Variants in TMEM64 observed in about 807,000 individuals in gnomAD.
TMEM64 encodes the protein transmembrane protein 64.
In TMEM64, 19 loss-of-function variants were observed where a neutral mutation model predicts 24.5. That is an observed-to-expected ratio of 0.78 (90% CI 0.54 to 1.14). The LOEUF (loss-of-function observed/expected upper bound fraction) is 1.14, where lower values mean the gene tolerates loss of function less well. Among genes scored for constraint, TMEM64 ranks in the 50% most tolerant of loss-of-function variants. The probability of loss-of-function intolerance (pLI) is 0.00; values close to 1 mark genes in which losing one functional copy is unlikely to be tolerated. For missense variants in TMEM64, 487 were observed against 493.0 expected, an observed-to-expected ratio of 0.99 and a Z score of 0.12; for synonymous variants, 262 against 224.7, an observed-to-expected ratio of 1.17 and a Z score of -1.49.
intron 1 of TMEM64, among the ~76,000 whole-genome samples, chr8:90,635,277 C>A (rs2130503343): frequency 6.6e-6 from 1 of 152,152 alleles, no homozygotes; most frequent in Middle Eastern, 3.4e-3. Context: ...CACTGAAAGC[C>A]TAGTATGAGT....
In TMEM64 at chr8:90,623,259, A is replaced by G. The variant is rs532782318; in HGVS notation, c.*2412T>C. On this transcript the variant is annotated 3_prime_UTR_variant, in exon 3 of 3. Transcript: ENST00000458549. ...AAATATACATGAGTGGAGACATTTTATAAGTACATATGACTGACAGCAATA... is the reference window on the plus strand; with the variant it reads ...AAATATACATGAGTGGAGACATTTTGTAAGTACATATGACTGACAGCAATA... The G allele has an allele frequency of 4.5e-4, 69 of 152,322 alleles. 2 individuals carry two copies. The highest frequency in any genetic ancestry group is 4.4e-3 in the Admixed American group (68 of 15,290). The allele number at this position is 152,322 out of a possible 1,614,324, so 9.4% of individuals were successfully genotyped here. A position where few individuals can be genotyped will look rare whatever the true frequency, so the allele number is the denominator to read the frequency against.
rs1286082061 is a variant in TMEM64, at chr8:90,622,766, T to C, written c.*2905A>G. ...TGTTTTATAGTCATATACTTGACCC[T>C]ATCAGGGAAAAGCCACCTAAAAGCA... On this transcript the variant is annotated 3_prime_UTR_variant, in exon 3 of 3. Coordinates refer to ENST00000458549, the MANE Select transcript of TMEM64 (RefSeq NM_001008495.4). 6.6e-6 allele frequency: 1 copy of C among 152,186 alleles called. No individual in the cohort carries two copies. The highest frequency in any genetic ancestry group is 6.5e-5 in the Admixed American group (1 of 15,282). The allele number at this position is 152,186 out of a possible 1,614,324, so 9.4% of individuals were successfully genotyped here. A position where few individuals can be genotyped will look rare whatever the true frequency, so the allele number is the denominator to read the frequency against.
rs117973485 is a variant in TMEM64, at chr8:90,625,058, T to C, written c.*613A>G. ...TTAAGAGCACTTCAGTCCCACAAGGTAGGATTTAAGCTTTGTGAATAGGTG... is the reference window on the plus strand; with the variant it reads ...TTAAGAGCACTTCAGTCCCACAAGGCAGGATTTAAGCTTTGTGAATAGGTG... On this transcript the variant is annotated 3_prime_UTR_variant, in exon 3 of 3. Coordinates refer to ENST00000458549, the MANE Select transcript of TMEM64 (RefSeq NM_001008495.4). The C allele has an allele frequency of 6.6e-6, 1 of 152,640 alleles. No homozygotes were observed. Among genetic ancestry groups the C allele is most frequent in the East Asian group, 1.9e-4 (1 of 5,180 alleles). The allele number at this position is 152,640 out of a possible 1,614,324, so 9.5% of individuals were successfully genotyped here.
At position 90,637,504 on chromosome 8, in the gene TMEM64, T is replaced by C. The variant is rs1809542369; in HGVS notation, c.796-5797A>G. Reference sequence around the variant, plus strand: ...TTTTGGCAAATTATACCTTCCTGTATAGACTTGTTGCTTGGTATTTGGGAT... The same window carrying C: ...TTTTGGCAAATTATACCTTCCTGTACAGACTTGTTGCTTGGTATTTGGGAT... On this transcript the variant is annotated intron_variant, in intron 1 of 2. Coordinates refer to ENST00000458549, the MANE Select transcript of TMEM64 (RefSeq NM_001008495.4). Among the ~76,000 whole-genome samples the C allele has an allele frequency of 2.0e-5, 3 of 152,226 alleles. 1 individual carries two copies. In the South Asian group the frequency reaches 6.2e-4, roughly 32 times the overall value.
chr8:90,640,942 G>A (rs1162319775), intron 1 of TMEM64, among the ~76,000 whole-genome samples: 8 of 152,190 alleles, frequency 5.3e-5, no homozygotes. Flanking sequence ...CCTAAGAAGT[G>A]AGCCAGGGTG....
In TMEM64 at chr8:90,645,609, C is replaced by T. The variant is rs970010968; in HGVS notation, c.297G>A (p.Val99=). The change falls in exon 1 of 3, where the codon GTG becomes GTA. Residue 99 remains valine, a synonymous_variant. Transcript: ENST00000458549. The surrounding 1 kb of genome is among the most constrained non-coding windows in gnomAD (Gnocchi z 4.2). ...TTCTCACCTCAGCCACGCCGACCAC[C>T]ACGCCGCCGCCGCCACTCCCGGGGC... ...AGGPGSGGGG[V]VVGVAEVRNW... is the part of the protein sequence containing the mutation. 6.5e-7 allele frequency: 1 copy of T among 1,535,718 alleles called. No homozygotes were observed. Among genetic ancestry groups the T allele is most frequent in the African/African-American group, 1.4e-5 (1 of 72,998 alleles).
At chr8:90,638,543 C>A (rs78746930) in intron 1 of TMEM64, among the ~76,000 whole-genome samples, 1,839 of 152,270 alleles carry the variant, frequency 0.012, 32 homozygotes, top group African/African-American at 0.041. Flanking sequence ...TTTGTTTGCC[C>A]CTCAGTCCTT....
intron 1 of TMEM64, among the ~76,000 whole-genome samples, chr8:90,641,086 C>T (rs550394621): frequency 6.6e-6 from 1 of 152,206 alleles, no homozygotes; most frequent in South Asian, 2.1e-4. Flanking sequence ...AAATTAAGGG[C>T]CTCTTCCTAC....
chr8:90,632,883 G>GTGGA (rs1809461426), intron 1 of TMEM64, among the ~76,000 whole-genome samples: 1 of 152,210 alleles, frequency 6.6e-6, no homozygotes, highest in Non-Finnish European at 1.5e-5. Flanking sequence ...CTACCATTGT[G>GTGGA]TGGATGTAGC....
intron 1 of TMEM64, among the ~76,000 whole-genome samples, chr8:90,636,561 A>G (rs1809521842): frequency 6.6e-6 from 1 of 152,188 alleles, no homozygotes; most frequent in Non-Finnish European, 1.5e-5. Context: ...GTCTATTTTA[A>G]TATGGCATTT....
intron 1 of TMEM64, among the ~76,000 whole-genome samples, chr8:90,640,256 A>T (rs1210558859): frequency 6.6e-6 from 1 of 152,246 alleles, no homozygotes; most frequent in East Asian, 1.9e-4. Flanking sequence ...ATACACTGAT[A>T]CAGTGACAAG....
At position 90,626,468 on chromosome 8, in the gene TMEM64, G is replaced by A. The variant is rs77724638; in HGVS notation, c.952-606C>T. 6.1e-3 allele frequency among the ~76,000 whole-genome samples: 922 copies of A among 152,244 alleles called. 7 individuals carry two copies. Among genetic ancestry groups the A allele is most frequent in the East Asian group, 0.019 (100 of 5,182 alleles). Reference sequence around the variant, plus strand: ...GAAAACATGATGATTATTTAAAAATGTTAGTCAAAGGGATACTAGAAAAAT... The same window carrying A: ...GAAAACATGATGATTATTTAAAAATATTAGTCAAAGGGATACTAGAAAAAT... On this transcript the variant is annotated intron_variant, in intron 2 of 2. Transcript: ENST00000458549.
At chr8:90,640,152 A>G (rs1231899067) in intron 1 of TMEM64, among the ~76,000 whole-genome samples, 1 of 152,214 alleles carries the variant, frequency 6.6e-6, no homozygotes, top group Non-Finnish European at 1.5e-5. Context: ...CAACTCTTTC[A>G]AAACACAGAC....
intron 2 of TMEM64, among the ~76,000 whole-genome samples, chr8:90,628,345 T>G (rs2130496058): frequency 6.6e-6 from 1 of 152,302 alleles, no homozygotes; most frequent in South Asian, 2.1e-4. Flanking sequence ...GGCTTCTGAT[T>G]TTTCTGTTAA....
intron 1 of TMEM64, among the ~76,000 whole-genome samples, chr8:90,635,517 A>G (rs1198664304): frequency 6.6e-6 from 1 of 152,070 alleles, no homozygotes; most frequent in African/African-American, 2.4e-5. Context: ...TATACGACAC[A>G]CACAAATCCC....
intron 1 of TMEM64, among the ~76,000 whole-genome samples, chr8:90,642,421 C>T (rs370031452): frequency 1.8e-5 from 2 of 113,582 alleles, no homozygotes; most frequent in African/African-American, 6.2e-5. Context: ...GAATTTTTTT[C>T]TTTAAAAAAA....
At chr8:90,635,935 C>T (rs1203585692) in intron 1 of TMEM64, among the ~76,000 whole-genome samples, 1 of 152,084 alleles carries the variant, frequency 6.6e-6, no homozygotes, top group Non-Finnish European at 1.5e-5. Context: ...TCATAGATGA[C>T]ATCAATAATA....
At chr8:90,644,369 G>A (rs897720856) in intron 1 of TMEM64, among the ~76,000 whole-genome samples, 2 of 152,176 alleles carry the variant, frequency 1.3e-5, no homozygotes, top group Admixed American at 6.5e-5. Flanking sequence ...TAAATCAGTT[G>A]CATGGAGATG....
In TMEM64 at chr8:90,645,025, T is replaced by G; in HGVS notation, c.795+86A>C. 1 of 1,391,528 alleles carries G rather than the reference T, an allele frequency of 7.2e-7. No individual in the cohort carries two copies. The allele number at this position is 1,391,528 out of a possible 1,614,324, so 86.2% of individuals were successfully genotyped here. A position where few individuals can be genotyped will look rare whatever the true frequency, so the allele number is the denominator to read the frequency against. On this transcript the variant is annotated intron_variant, in intron 1 of 2. Transcript: ENST00000458549. The surrounding 1 kb of genome is among the most constrained non-coding windows in gnomAD (Gnocchi z 4.2). ...TCAATGTCACTTCTCTGCTGGTATT[T>G]ATCTGATAGAGCGCCCTCCTAGGGC...
Sources: gnomAD v4.1 joint callset for allele counts (sites outside exome capture counted in the v4.1 genomes callset) on GRCh38, gnomAD v4.1.1 for gene constraint, Gnocchi (gnomAD v3.1) non-coding constraint, MANE v1.5 for transcripts, NCBI Gene and HGNC (gene_info 2026-07-23, HGNC 2026-07-21) for gene names.